TPST1: variants seen among roughly 807,000 people sequenced by gnomAD.
TPST1 encodes the protein tyrosylprotein sulfotransferase 1, also known as protein-tyrosine sulfotransferase 1.
TPST1 carries 20 observed loss-of-function variants against 34.8 expected under a neutral mutation model. That is an observed-to-expected ratio of 0.57 (90% CI 0.40 to 0.84). TPST1 has a LOEUF of 0.84. Ranked by LOEUF, TPST1 falls within the 40% of genes least tolerant of loss-of-function variation. TPST1 has a pLI of 0.00. For synonymous variants in TPST1, 152 were observed against 159.4 expected, an observed-to-expected ratio of 0.95 and a Z score of 0.35; for missense variants, 353 against 455.5, an observed-to-expected ratio of 0.78 and a Z score of 2.05.
chr7:66,211,020 T>A (rs1325364832), intron 1 of TPST1, among the ~76,000 whole-genome samples: 1 of 150,622 alleles, frequency 6.6e-6, no homozygotes, highest in African/African-American at 2.5e-5. Context: ...AGGATAAATA[T>A]TGCCTTTGTT....
At chr7:66,246,160 A>G (rs1790143023) in intron 2 of TPST1, among the ~76,000 whole-genome samples, 1 of 144,490 alleles carries the variant, frequency 6.9e-6, no homozygotes. Context: ...TTACAGGTGC[A>G]TGCCATCATG....
intron 1 of TPST1, among the ~76,000 whole-genome samples, chr7:66,229,720 A>G (rs111569310): frequency 0.042 from 6,468 of 152,266 alleles, 211 homozygotes; most frequent in Non-Finnish European, 0.068. Flanking sequence ...CACAGTAGAT[A>G]TATCTATCAT....
intron 2 of TPST1, among the ~76,000 whole-genome samples, chr7:66,258,845 A>G (rs1279396778): frequency 6.6e-6 from 1 of 152,224 alleles, no homozygotes; most frequent in African/African-American, 2.4e-5. Context: ...ACATTTGTGC[A>G]TAGTGTGGAC....
At chr7:66,342,866 C>A (rs1792267155) in intron 3 of TPST1, among the ~76,000 whole-genome samples, 1 of 152,172 alleles carries the variant, frequency 6.6e-6, no homozygotes, top group African/African-American at 2.4e-5. Flanking sequence ...CCAAACACTT[C>A]CCACTAGGCC....
chr7:66,356,989 G>A (rs1792594955), intron 5 of TPST1, 118 bp downstream of exon 5: 2 of 898,026 alleles, frequency 2.2e-6, no homozygotes, highest in Non-Finnish European at 3.5e-6. Context: ...TTGGAATCCT[G>A]CCTCTTCACT....
intron 1 of TPST1, among the ~76,000 whole-genome samples, chr7:66,210,653 G>A (rs1562796083): frequency 6.6e-6 from 1 of 152,172 alleles, no homozygotes; most frequent in Non-Finnish European, 1.5e-5. Context: ...AAGAACAATA[G>A]TAGTAACTCA....
intron 3 of TPST1, among the ~76,000 whole-genome samples, chr7:66,315,545 G>A (rs376301161): frequency 1.3e-5 from 2 of 152,182 alleles, no homozygotes; most frequent in Admixed American, 1.3e-4. Context: ...GGTGTTGCGG[G>A]GTTGTGGGAA....
At chr7:66,313,717 T>TA (rs949691526) in intron 3 of TPST1, among the ~76,000 whole-genome samples, 8 of 152,202 alleles carry the variant, frequency 5.3e-5, no homozygotes, top group Admixed American at 5.2e-4. Flanking sequence ...ATTAAAAACT[T>TA]ACAGAAAGGC....
At chr7:66,221,667 G>A (rs1789546418) in intron 1 of TPST1, 1 of 152,220 alleles carries the variant, frequency 6.6e-6, no homozygotes, top group African/African-American at 2.4e-5. Flanking sequence ...GTGAGTAAGG[G>A]AATGCAGTGC....
In TPST1 at chr7:66,241,053, G is replaced by A; in HGVS notation, c.628G>A (p.Asp210Asn). The part of the protein sequence containing the change: ...IAGFDLNSYR[D>N]CLTKWNRAIE... Reference sequence around the variant, plus strand: ...TGGATTTGATCTGAACAGCTATAGGGACTGTTTGACAAAGTGGAATCGTGC... The same window carrying A: ...TGGATTTGATCTGAACAGCTATAGGAACTGTTTGACAAAGTGGAATCGTGC... The change falls in exon 2 of 6, where the codon GAC (aspartate) becomes AAC (asparagine). Residue 210 changes from aspartate to asparagine, a missense_variant. Asp to Asn is a conservative substitution (Grantham distance 23). Coordinates refer to ENST00000304842, the MANE Select transcript of TPST1 (RefSeq NM_003596.4). The A allele has an allele frequency of 6.2e-7, 1 of 1,614,206 alleles. No homozygotes were observed. Among genetic ancestry groups the A allele is most frequent in the East Asian group, 2.2e-5 (1 of 44,888 alleles).
chr7:66,211,206 C>G (rs1013276069), intron 1 of TPST1, among the ~76,000 whole-genome samples: 4 of 151,894 alleles, frequency 2.6e-5, no homozygotes, highest in Non-Finnish European at 5.9e-5. Flanking sequence ...GCGATCTTGG[C>G]TCACCGCAAC....
intron 2 of TPST1, among the ~76,000 whole-genome samples, chr7:66,253,234 G>C (rs1489246589): frequency 6.6e-6 from 1 of 152,188 alleles, no homozygotes; most frequent in African/African-American, 2.4e-5. Flanking sequence ...TTTTATATGA[G>C]AGATTTGGGC....
chr7:66,241,043 C>T lies in TPST1; in HGVS notation c.618C>T (p.Asn206=), dbSNP rs1790023225. ...TTACTATAGCTGGATTTGATCTGAA[C>T]AGCTATAGGGACTGTTTGACAAAGT... ...RKVTIAGFDL[N]SYRDCLTKWN... Residue 206 remains asparagine (N), a synonymous_variant, in exon 2 of 6, where the codon AAC becomes AAT. Transcript: ENST00000304842. 1 of 1,614,174 alleles carries T rather than the reference C, an allele frequency of 6.2e-7. No homozygotes were observed. Among genetic ancestry groups the T allele is most frequent in the African/African-American group, 1.3e-5 (1 of 75,044 alleles).
At chr7:66,321,348 A>G (rs1791753603) in intron 3 of TPST1, among the ~76,000 whole-genome samples, 1 of 152,258 alleles carries the variant, frequency 6.6e-6, no homozygotes, top group Non-Finnish European at 1.5e-5. Context: ...GGCATTTGGT[A>G]TTACCTGCAC....
chr7:66,274,025 C>T (rs1427348447), intron 2 of TPST1, among the ~76,000 whole-genome samples: 8 of 150,954 alleles, frequency 5.3e-5, no homozygotes, highest in African/African-American at 1.2e-4. Context: ...TTGGTAGAGA[C>T]GGGGTTTCAC....
chr7:66,203,241 T>C (rs1789050907), upstream of TPST1, among the ~76,000 whole-genome samples: 1 of 146,980 alleles, frequency 6.8e-6, no homozygotes, highest in Admixed American at 6.8e-5. Flanking sequence ...ATAATTATTA[T>C]TTTTTTTTTT....
At chr7:66,318,839 T>C (rs1211080484) in intron 3 of TPST1, among the ~76,000 whole-genome samples, 3 of 152,242 alleles carry the variant, frequency 2.0e-5, no homozygotes, top group African/African-American at 7.2e-5. Context: ...TACTTCACTC[T>C]AATTCTTGAA....
intron 3 of TPST1, among the ~76,000 whole-genome samples, chr7:66,340,220 GA>G (rs980194352): frequency 1.1e-4 from 15 of 141,794 alleles, no homozygotes; most frequent in South Asian, 2.2e-4. Flanking sequence ...TCTCAAAAAA[GA>G]AAAAAAAAAG....
At chr7:66,212,050 G>A (rs1233274256) in intron 1 of TPST1, among the ~76,000 whole-genome samples, 2 of 152,134 alleles carry the variant, frequency 1.3e-5, no homozygotes, top group Admixed American at 6.6e-5. Context: ...GTAATGTCTT[G>A]GCTTTTAAGG....
Sources: allele counts gnomAD v4.1 joint callset (sites outside exome capture counted in the v4.1 genomes callset), GRCh38; gene constraint gnomAD v4.1.1; transcripts MANE v1.5; gene names NCBI Gene and HGNC (gene_info 2026-07-23, HGNC 2026-07-21).